SLC35F4: variants seen among roughly 807,000 people sequenced by gnomAD.
SLC35F4 encodes the protein solute carrier family 35 member F4.
In SLC35F4, 24 loss-of-function variants were observed where a neutral mutation model predicts 44.2. That is an observed-to-expected ratio of 0.54 (90% CI 0.39 to 0.76). SLC35F4 has a LOEUF of 0.76. Among genes scored for constraint, SLC35F4 ranks in the 30% least tolerant of loss-of-function variants. The pLI is 0.00. For missense variants in SLC35F4, 562 were observed against 586.1 expected (o/e 0.96, Z 0.42); for synonymous variants, 238 against 223.6 (o/e 1.06, Z -0.57).
rs150909830 is a variant in SLC35F4 at position 57,814,516 on chromosome 14, C to T, written c.103+51207G>A. ...GAAAGATGCTGTTTGCAAACTCTGA[C>T]GCTTTCCCTAAATCAAAGAACTCAT... On this transcript the variant is annotated intron_variant, in intron 1 of 7. Transcript: ENST00000556826. Among the ~76,000 whole-genome samples, 118 of 152,306 alleles carry T rather than the reference C, an allele frequency of 7.7e-4. No individual in the cohort carries two copies. In the Middle Eastern group the frequency reaches 0.01, roughly 13 times the overall value.
intron 1 of SLC35F4, chr14:57,630,192 G>A (rs551432844): frequency 1.8e-6 from 1 of 562,498 alleles, no homozygotes; most frequent in East Asian, 4.5e-5. Context: ...TCAGATGAAA[G>A]CCAAGGAAGG....
intron 1 of SLC35F4, among the ~76,000 whole-genome samples, chr14:57,883,940 C>T (rs1888595047): frequency 6.6e-6 from 1 of 152,122 alleles, no homozygotes; most frequent in African/African-American, 2.4e-5. Context: ...TTACAAGCTC[C>T]AATTTTAAAC....
chr14:57,694,775 T>C (rs1340793992), intron 1 of SLC35F4, among the ~76,000 whole-genome samples: 1 of 152,204 alleles, frequency 6.6e-6, no homozygotes, highest in Admixed American at 6.6e-5. Context: ...GTCAGATTTA[T>C]TCTTATTTGA....
Position 57,744,370 on chromosome 14 carries a change from C to T in SLC35F4, c.103+121353G>A, listed in dbSNP as rs2076700351. Among the ~76,000 whole-genome samples, 2 of 152,302 alleles carry T rather than the reference C, an allele frequency of 1.3e-5. 1 individual carries two copies. On this transcript the variant is annotated intron_variant, in intron 1 of 7. Coordinates refer to ENST00000556826, the MANE Select transcript of SLC35F4 (RefSeq NM_001306087.2). The stretch of plus-strand genomic sequence containing the variant: ...ATCTCCTTAAGCTGATAAGCAACTT[C>T]AGCAAAGTCTCAGGATACAAAATCA...
intron 1 of SLC35F4, among the ~76,000 whole-genome samples, chr14:57,933,463 A>G (rs1889738559): frequency 6.6e-6 from 1 of 152,084 alleles, no homozygotes; most frequent in Non-Finnish European, 1.5e-5. Flanking sequence ...CCAAGTCACT[A>G]CTTGGTCTCC....
intron 3 of SLC35F4, among the ~76,000 whole-genome samples, chr14:57,588,491 C>T (rs12895383): frequency 0.33 from 50,241 of 151,934 alleles, 8,401 homozygotes; most frequent in Middle Eastern, 0.38. Flanking sequence ...CCTTGAGTGC[C>T]ATGCAGGGCT....
chr14:57,942,200 T>C lies in SLC35F4; in HGVS notation n.282+39713A>G, dbSNP rs138070369. The stretch of plus-strand genomic sequence containing the variant: ...AAAGCTTTCATCTTCTTACAGAGAA[T>C]GTTCCAGCTTAATGTTGAGCCCCTT... On this transcript the variant is annotated intron_variant and non_coding_transcript_variant, in intron 1 of 1. Coordinates refer to the SLC35F4 transcript ENST00000556568. Among the ~76,000 whole-genome samples, 706 of 152,360 alleles carry C rather than the reference T, an allele frequency of 4.6e-3. 4 individuals carry two copies. The highest frequency in any genetic ancestry group is 0.016 in the African/African-American group (675 of 41,584).
Position 57,876,420 on chromosome 14 carries a change from T to C in SLC35F4, n.282+105493A>G, listed in dbSNP as rs144124556. Among the ~76,000 whole-genome samples, 1,355 of 152,264 alleles carry C rather than the reference T, an allele frequency of 8.9e-3. 23 individuals carry two copies. Among genetic ancestry groups the C allele is most frequent in the African/African-American group, 0.031 (1,273 of 41,546 alleles). On this transcript the variant is annotated intron_variant and non_coding_transcript_variant, in intron 1 of 1. Transcript: ENST00000556568. The stretch of plus-strand genomic sequence containing the variant: ...TATTTCTTGTGTATAATACAAAACC[T>C]GGCTGCTGAAAAAAATGAGAGCGCG...
At chr14:57,588,871 C>T (rs890211150) in intron 3 of SLC35F4, among the ~76,000 whole-genome samples, 2 of 152,104 alleles carry the variant, frequency 1.3e-5, no homozygotes, top group Non-Finnish European at 2.9e-5. Flanking sequence ...AGATTTAAAT[C>T]TTGGTTCTAT....
At chr14:57,586,396 A>G (rs916216569) in intron 3 of SLC35F4, among the ~76,000 whole-genome samples, 5 of 152,094 alleles carry the variant, frequency 3.3e-5, no homozygotes, top group Admixed American at 6.6e-5. Flanking sequence ...CCTAGGCAAT[A>G]CCATTCAGGA....
At chr14:57,770,756 T>A (rs2140678542) in intron 1 of SLC35F4, among the ~76,000 whole-genome samples, 1 of 152,222 alleles carries the variant, frequency 6.6e-6, no homozygotes, top group East Asian at 1.9e-4. Context: ...AGAATACAAG[T>A]CTTGGTATTT....
At chr14:57,741,981 T>G (rs776524107) in intron 1 of SLC35F4, among the ~76,000 whole-genome samples, 10 of 152,132 alleles carry the variant, frequency 6.6e-5, no homozygotes, top group Admixed American at 1.3e-4. Flanking sequence ...CTACGCTTCA[T>G]AAGTGGAGGA....
intron 1 of SLC35F4, among the ~76,000 whole-genome samples, chr14:57,670,823 A>G (rs867800686): frequency 1.2e-4 from 18 of 151,536 alleles, no homozygotes; most frequent in Non-Finnish European, 1.0e-4. Flanking sequence ...ATTCATACTG[A>G]ATGTTTTCTA....
At chr14:57,926,525 T>TA (rs34916406) in intron 1 of SLC35F4, among the ~76,000 whole-genome samples, 25 of 152,178 alleles carry the variant, frequency 1.6e-4, no homozygotes, top group Non-Finnish European at 3.4e-4. Flanking sequence ...AAGGCAGTGA[T>TA]AAAAAAGCAA....
chr14:57,566,335 C>T (rs1326537439), intron 7 of SLC35F4, 140 bp downstream of exon 7: 5 of 711,686 alleles, frequency 7.0e-6, no homozygotes, highest in Non-Finnish European at 1.1e-5. Context: ...TTGTCTGCCA[C>T]CTTCATGATA....
chr14:57,869,586 A>G (rs1411178223), upstream of SLC35F4, among the ~76,000 whole-genome samples: 3 of 152,200 alleles, frequency 2.0e-5, no homozygotes, highest in Non-Finnish European at 4.4e-5. Flanking sequence ...AAATTAGTAT[A>G]TTTTACCTAT....
intron 1 of SLC35F4, among the ~76,000 whole-genome samples, chr14:57,680,343 T>G (rs2074853425): frequency 6.6e-6 from 1 of 152,102 alleles, no homozygotes; most frequent in African/African-American, 2.4e-5. Context: ...CTAAAAACTT[T>G]CAATAAACTA....
chr14:57,688,143 G>T (rs916881964), intron 1 of SLC35F4, among the ~76,000 whole-genome samples: 1 of 151,906 alleles, frequency 6.6e-6, no homozygotes, highest in Non-Finnish European at 1.5e-5. Flanking sequence ...GGAATTAAAA[G>T]GATGGGTTAC....
chr14:57,628,909 G>A (rs1302793350), intron 1 of SLC35F4, among the ~76,000 whole-genome samples: 2 of 152,040 alleles, frequency 1.3e-5, no homozygotes, highest in African/African-American at 4.8e-5. Context: ...TTAGGCAACA[G>A]GTCATTTCAG....
Sources: allele counts gnomAD v4.1 joint callset (sites outside exome capture counted in the v4.1 genomes callset), GRCh38; gene constraint gnomAD v4.1.1; transcripts MANE v1.5; gene names NCBI Gene and HGNC (gene_info 2026-07-23, HGNC 2026-07-21).